Variants in NAP1L1 observed in about 807,000 individuals in gnomAD.
NAP1L1 encodes the protein nucleosome assembly protein 1-like 1.
In NAP1L1, 9 loss-of-function variants were observed where a neutral mutation model predicts 58.9. The observed-to-expected ratio is 0.15, with a 90% CI of 0.09 to 0.27. NAP1L1 has a LOEUF of 0.27. NAP1L1 is among the 10% of genes least tolerant of loss of function. The pLI is 1.00. For missense variants in NAP1L1, 302 were observed against 458.8 expected (o/e 0.66, Z 3.12); for synonymous variants, 130 against 138.3 (o/e 0.94, Z 0.42).
At chr12:76,081,582 T>C (rs1950410439) in intron 1 of NAP1L1, among the ~76,000 whole-genome samples, 1 of 152,176 alleles carries the variant, frequency 6.6e-6, no homozygotes, top group Non-Finnish European at 1.5e-5. Flanking sequence ...GGAAAAAATA[T>C]ATATAACCCT....
At chr12:76,076,549 A>AATATATATATATATATATATATAT (rs58649228) in intron 1 of NAP1L1, among the ~76,000 whole-genome samples, 30 of 120,606 alleles carry the variant, frequency 2.5e-4, no homozygotes, top group South Asian at 5.9e-4. Flanking sequence ...TGGATATGGA[A>AATATATATATATATATATATATAT]ATATATATAT....
At chr12:76,060,703 T>C (rs956789326) in intron 4 of NAP1L1, among the ~76,000 whole-genome samples, 1 of 152,218 alleles carries the variant, frequency 6.6e-6, no homozygotes, top group Non-Finnish European at 1.5e-5. Context: ...CCACACACCA[T>C]TATTTTTTTA....
Position 76,081,162 on chromosome 12 carries a change from AGT to A in NAP1L1, c.-21+3403_-21+3404del, listed in dbSNP as rs1201522847. On this transcript the variant is annotated intron_variant, in intron 1 of 14. Transcript: ENST00000618691. ...TATTCATGCTGATTTATAGCAGAAC[AGT>A]GTAAGTCAACATTCTTTCAAAACCA... Among the ~76,000 whole-genome samples, 3 of 152,332 alleles carry A rather than the reference AGT, an allele frequency of 2.0e-5. No homozygotes were observed. The East Asian group carries it at 5.8e-4, about 29-fold the overall frequency.
chr12:76,067,569 GC>G, intron 3 of NAP1L1, 96 bp from the exon 4 acceptor site: 1 of 947,468 alleles, frequency 1.1e-6, no homozygotes, highest in Non-Finnish European at 1.6e-6. Context: ...TTCCTAACTG[GC>G]CCATAAATTG....
At chr12:76,059,777 C>T (rs1405596414) in intron 6 of NAP1L1, 21 bp downstream of exon 6, 10 of 1,529,164 alleles carry the variant, frequency 6.5e-6, no homozygotes, top group African/African-American at 1.4e-5. Flanking sequence ...AAAAACATAC[C>T]AAAATAAAGT....
At position 76,043,543 on chromosome 12, in the gene NAP1L1, T is replaced by C. The variant is rs1357135258; in HGVS notation, c.*4886A>G. ...TCCTCATCCTCACTTGAAATACTCT[T>C]GTAACAGGTGGTTCCAGTGTTTTAA... On this transcript the variant is annotated 3_prime_UTR_variant, in exon 15 of 15. Coordinates refer to ENST00000618691, the MANE Select transcript of NAP1L1 (RefSeq NM_004537.7). The C allele has an allele frequency of 1.3e-5, 2 of 152,102 alleles. No homozygotes were observed. Among genetic ancestry groups the C allele is most frequent in the Non-Finnish European group, 2.9e-5 (2 of 68,036 alleles). The allele number at this position is 152,102 out of a possible 1,614,324, so 9.4% of individuals were successfully genotyped here.
intron 1 of NAP1L1, among the ~76,000 whole-genome samples, chr12:76,080,808 G>C (rs774069921): frequency 6.6e-6 from 1 of 152,118 alleles, no homozygotes; most frequent in African/African-American, 2.4e-5. Context: ...CTGAGAGATG[G>C]GGGTCTTTAA....
At chr12:76,063,871 G>T (rs573017161) in intron 4 of NAP1L1, among the ~76,000 whole-genome samples, 1 of 112,484 alleles carries the variant, frequency 8.9e-6, no homozygotes, top group African/African-American at 3.4e-5. Flanking sequence ...GACATACTAG[G>T]TTAAAAGTTT....
chr12:76,076,603 T>C (rs913983500), intron 1 of NAP1L1, among the ~76,000 whole-genome samples: 3 of 144,672 alleles, frequency 2.1e-5, no homozygotes, highest in African/African-American at 5.1e-5. Context: ...TCTCCACTCA[T>C]ATACGCACAT....
Position 76,049,099 on chromosome 12 carries a change from T to C in NAP1L1, c.1140+101A>G, listed in dbSNP as rs995018688. On this transcript the variant is annotated intron_variant, in intron 14 of 14. Transcript: ENST00000618691. ...AAAGTTATCCAGTCAATAGGCTTTA[T>C]TTATTAAAGACTTTAACGGAGAGAA... The C allele has an allele frequency of 1.8e-5, 22 of 1,198,576 alleles. No homozygotes were observed. In the Admixed American group the frequency reaches 4.0e-4, roughly 22 times the overall value. The allele number at this position is 1,198,576 out of a possible 1,614,324, so 74.2% of individuals were successfully genotyped here. A position where few individuals can be genotyped will look rare whatever the true frequency, so the allele number is the denominator to read the frequency against.
chr12:76,059,949 TAAG>T (rs1949326515), intron 5 of NAP1L1, 71 bp from the exon 6 acceptor site: 9 of 1,311,140 alleles, frequency 6.9e-6, no homozygotes, highest in Non-Finnish European at 9.6e-6. Flanking sequence ...GGTTTCTCAC[TAAG>T]AAGTCTTACA....
rs1303458591 is a variant in NAP1L1 at position 76,044,811 on chromosome 12, G to A, written c.*3618C>T. On this transcript the variant is annotated 3_prime_UTR_variant, in exon 15 of 15. Coordinates refer to ENST00000618691, the MANE Select transcript of NAP1L1 (RefSeq NM_004537.7). ...ATTTCTTATGAATACTTATCCTTGA[G>A]TAAAATAATTTCATATACCAACAAG... 1 of 152,130 alleles carries A rather than the reference G, an allele frequency of 6.6e-6. No homozygotes were observed. Among genetic ancestry groups the A allele is most frequent in the African/African-American group, 2.4e-5 (1 of 41,428 alleles). 9.4% of individuals were successfully genotyped at this position (152,130 alleles called of 1,614,324 possible). A position where few individuals can be genotyped will look rare whatever the true frequency, so the allele number is the denominator to read the frequency against.
In NAP1L1 at chr12:76,044,361, T is replaced by C. The variant is rs1396194324; in HGVS notation, c.*4068A>G. On this transcript the variant is annotated 3_prime_UTR_variant, in exon 15 of 15. Transcript: ENST00000618691. ...ACTAAAAAGCAATGCTTTTATGTAA[T>C]ATTTTATCCTGGGTTTCAAAATAAT... is the stretch of plus-strand genomic sequence containing the variant. The C allele has an allele frequency of 6.6e-6, 1 of 152,204 alleles. No individual in the cohort carries two copies. The highest frequency in any genetic ancestry group is 1.5e-5 in the Non-Finnish European group (1 of 68,030). The allele number at this position is 152,204 out of a possible 1,614,324, so 9.4% of individuals were successfully genotyped here.
chr12:76,053,314 A>C lies in NAP1L1; in HGVS notation c.807T>G (p.Thr269=). 1 of 1,613,966 alleles carries C rather than the reference A, an allele frequency of 6.2e-7. No homozygotes were observed. The highest frequency in any genetic ancestry group is 8.5e-7 in the Non-Finnish European group (1 of 1,179,904). ...TCTGCTTCTTCTTAATAGTTTTCAA[A>C]GTGACATTCTTTCCTTTTTTCCAAT... ...QIDWKKGKNV[T]LKTIKKKQKH... Residue 269 remains threonine (T), a synonymous_variant, in exon 10 of 15, where the codon ACT becomes ACG. Transcript: ENST00000618691.
At chr12:76,084,391 C>CA (rs1950532807) in intron 1 of NAP1L1, among the ~76,000 whole-genome samples, 176 bp downstream of exon 1, 1 of 152,136 alleles carries the variant, frequency 6.6e-6, no homozygotes, top group Non-Finnish European at 1.5e-5. Flanking sequence ...CTCTCAGGCT[C>CA]CGGGGTCCGG....
chr12:76,079,633 G>A (rs1407349609), intron 1 of NAP1L1, among the ~76,000 whole-genome samples: 1 of 151,534 alleles, frequency 6.6e-6, no homozygotes, highest in Non-Finnish European at 1.5e-5. Flanking sequence ...CATATATGGT[G>A]TGTATAAGAT....
intron 7 of NAP1L1, among the ~76,000 whole-genome samples, chr12:76,055,824 G>A (rs1949060834): frequency 6.6e-6 from 1 of 152,088 alleles, no homozygotes; most frequent in African/African-American, 2.4e-5. Context: ...TTATCAATGG[G>A]ACCATTTCAT....
chr12:76,069,115 C>T, intron 2 of NAP1L1, 121 bp from the exon 3 acceptor site: 2 of 716,512 alleles, frequency 2.8e-6, no homozygotes, highest in Non-Finnish European at 4.7e-6. Flanking sequence ...ATAGGAAATT[C>T]AAAAGGTAAT....
intron 14 of NAP1L1, among the ~76,000 whole-genome samples, chr12:76,048,835 G>A (rs1948695235): frequency 1.3e-5 from 2 of 152,042 alleles, no homozygotes; most frequent in Non-Finnish European, 2.9e-5. Flanking sequence ...TAGTTGGAAG[G>A]ATCTAACAAA....
Sources: gnomAD v4.1 joint callset for allele counts (sites outside exome capture counted in the v4.1 genomes callset) on GRCh38, gnomAD v4.1.1 for gene constraint, MANE v1.5 for transcripts, NCBI Gene and HGNC (gene_info 2026-07-23, HGNC 2026-07-21) for gene names.